NIBAN1: variants seen among roughly 807,000 people sequenced by gnomAD.
The protein encoded by NIBAN1 is niban apoptosis regulator 1.
A neutral mutation model predicts 75.1 loss-of-function variants in NIBAN1; 81 were observed. The ratio of observed to expected loss-of-function variants is 1.08; its 90% CI spans 0.90 to 1.30. The LOEUF (loss-of-function observed/expected upper bound fraction) is 1.30, where lower values mean the gene tolerates loss of function less well. Among genes scored for constraint, NIBAN1 ranks in the 50% most tolerant of loss-of-function variants. The pLI, the probability that NIBAN1 is intolerant of heterozygous loss-of-function variation, is 0.00. For missense variants in NIBAN1, 1,133 were observed against 1,128.1 expected (o/e 1.00, Z -0.06); for synonymous variants, 436 against 424.8 (o/e 1.03, Z -0.32).
chr1:184,859,075 G>T (rs145438148), intron 5 of NIBAN1, among the ~76,000 whole-genome samples: 40 of 151,816 alleles, frequency 2.6e-4, no homozygotes, highest in African/African-American at 8.7e-4. Context: ...TTCCTCTATG[G>T]AGGAATTAAA....
intron 1 of NIBAN1, among the ~76,000 whole-genome samples, chr1:184,925,854 G>T (rs899561528): frequency 1.3e-5 from 2 of 152,192 alleles, no homozygotes; most frequent in Non-Finnish European, 2.9e-5. Context: ...TACTCAAGAC[G>T]TGAGTAGTTT....
intron 8 of NIBAN1, among the ~76,000 whole-genome samples, chr1:184,822,065 T>C (rs1321970939): frequency 6.6e-6 from 1 of 152,194 alleles, no homozygotes; most frequent in Non-Finnish European, 1.5e-5. Context: ...CGGTCACTGC[T>C]AAAGCTCCAT....
chr1:184,795,254 TC>T lies in NIBAN1; in HGVS notation c.2509del (p.Asp837MetfsTer10). 1.2e-6 allele frequency: 2 copies of T among 1,613,426 alleles called. No individual in the cohort carries two copies. The highest frequency in any genetic ancestry group is 1.7e-6 in the Non-Finnish European group (2 of 1,180,028). ...GRGGKCTEEG[D>X]ASQQEGCTLG... ...GGTGCAGCCCTCTTGCTGTGAGGCA[TC>T]CCCTTCCTCGGTACACTTGCCCCCT... On this transcript the variant is annotated frameshift_variant, in exon 14 of 14. Coordinates refer to ENST00000367511, the MANE Select transcript of NIBAN1 (RefSeq NM_052966.4). LOFTEE classifies it low-confidence loss of function (END_TRUNC).
intron 5 of NIBAN1, among the ~76,000 whole-genome samples, chr1:184,833,867 T>C (rs1655064115): frequency 6.6e-6 from 1 of 152,070 alleles, no homozygotes; most frequent in African/African-American, 2.4e-5. Context: ...TTTTTTTTTT[T>C]TTCGATTATA....
Position 184,799,784 on chromosome 1 carries a change from C to T in NIBAN1, c.1555-1594G>A, listed in dbSNP as rs1273276566. Among the ~76,000 whole-genome samples the T allele has an allele frequency of 5.7e-5, 4 of 70,032 alleles. 1 individual carries two copies. Among genetic ancestry groups the T allele is most frequent in the Non-Finnish European group, 9.4e-5 (4 of 42,778 alleles). The allele number at this position is 70,032 out of a possible 152,430, so 45.9% of individuals were successfully genotyped here. On this transcript the variant is annotated intron_variant, in intron 12 of 13. Transcript: ENST00000367511. ...TTTTTGAGACGGAGTCTCGCTCTGT[C>T]GCCCAGGCTGGAGTGCAGTGGCGCG... is the stretch of plus-strand genomic sequence containing the variant.
chr1:184,937,709 G>C (rs557959099), intron 1 of NIBAN1, among the ~76,000 whole-genome samples: 1 of 152,330 alleles, frequency 6.6e-6, no homozygotes, highest in Admixed American at 6.5e-5. Flanking sequence ...ATGTTGAGGA[G>C]TGAGCTCAGG....
intron 4 of NIBAN1, among the ~76,000 whole-genome samples, chr1:184,885,588 G>T (rs557684305): frequency 2.6e-5 from 4 of 152,032 alleles, no homozygotes; most frequent in Non-Finnish European, 5.9e-5. Flanking sequence ...CACTCTACTG[G>T]CCCTGCAGGC....
chr1:184,879,623 C>A (rs949689587), intron 5 of NIBAN1, among the ~76,000 whole-genome samples: 1 of 152,150 alleles, frequency 6.6e-6, no homozygotes, highest in Admixed American at 6.5e-5. Context: ...AAAGGATTTG[C>A]TCTGTCTGAT....
intron 5 of NIBAN1, among the ~76,000 whole-genome samples, chr1:184,883,492 T>G (rs768296492): frequency 1.3e-5 from 2 of 152,224 alleles, no homozygotes; most frequent in Admixed American, 1.3e-4. Context: ...AGAGCGCAGT[T>G]ATCTGTAACT....
intron 4 of NIBAN1, among the ~76,000 whole-genome samples, chr1:184,889,803 AC>A (rs1403037048): frequency 6.6e-6 from 1 of 152,226 alleles, no homozygotes; most frequent in African/African-American, 2.4e-5. Flanking sequence ...CACATCTTCC[AC>A]TTGTCTATGG....
At position 184,906,001 on chromosome 1, in the gene NIBAN1, G is replaced by A. The variant is rs1235270228; in HGVS notation, c.56-6692C>T. Among the ~76,000 whole-genome samples the A allele has an allele frequency of 5.3e-5, 8 of 152,018 alleles. No homozygotes were observed. The East Asian group carries it at 1.5e-3, about 29-fold the overall frequency. ...GCCTGTAATCCCAGCACTTGGGGAG[G>A]CCGAGATGGGAGGATCACCTGAGTG... On this transcript the variant is annotated intron_variant, in intron 1 of 13. Coordinates refer to ENST00000367511, the MANE Select transcript of NIBAN1 (RefSeq NM_052966.4).
chr1:184,947,017 G>A (rs1006216724), intron 1 of NIBAN1, among the ~76,000 whole-genome samples: 1 of 150,708 alleles, frequency 6.6e-6, no homozygotes, highest in African/African-American at 2.5e-5. Flanking sequence ...AGGTTGTGGT[G>A]AGCCAAGACC....
At chr1:184,972,531 C>T (rs1055950234) in intron 1 of NIBAN1, among the ~76,000 whole-genome samples, 1 of 152,180 alleles carries the variant, frequency 6.6e-6, no homozygotes, top group Non-Finnish European at 1.5e-5. Flanking sequence ...CTAACTTTAA[C>T]TCTTCTCTTC....
At chr1:184,900,458 G>A (rs1656923661) in intron 1 of NIBAN1, among the ~76,000 whole-genome samples, 1 of 152,174 alleles carries the variant, frequency 6.6e-6, no homozygotes, top group Non-Finnish European at 1.5e-5. Context: ...TGAAATATAA[G>A]TACAGTACGA....
chr1:184,956,265 G>T (rs747589128), intron 1 of NIBAN1, among the ~76,000 whole-genome samples: 1 of 152,060 alleles, frequency 6.6e-6, no homozygotes, highest in South Asian at 2.1e-4. Context: ...GGTCTCAAGC[G>T]ATCCTCTTGC....
At chr1:184,826,416 A>G (rs1654842678) in intron 6 of NIBAN1, among the ~76,000 whole-genome samples, 1 of 152,220 alleles carries the variant, frequency 6.6e-6, no homozygotes, top group Non-Finnish European at 1.5e-5. Flanking sequence ...AAGAACCGCA[A>G]TTACTTTTGC....
Position 184,836,877 on chromosome 1 carries a change from T to C in NIBAN1, c.602-4915A>G, listed in dbSNP as rs189696569. ...CAGCTAATAAACTGTTAAATTAATA[T>C]ATGTAAAACTTTTAGAACAAATCTG... On this transcript the variant is annotated intron_variant, in intron 5 of 13. Coordinates refer to ENST00000367511, the MANE Select transcript of NIBAN1 (RefSeq NM_052966.4). Among the ~76,000 whole-genome samples, 975 of 152,344 alleles carry C rather than the reference T, an allele frequency of 6.4e-3. 6 individuals carry two copies. Among genetic ancestry groups the C allele is most frequent in the Non-Finnish European group, 9.2e-3 (626 of 68,034 alleles).
At chr1:184,800,900 C>T (rs538938413) in intron 12 of NIBAN1, among the ~76,000 whole-genome samples, 2 of 152,292 alleles carry the variant, frequency 1.3e-5, no homozygotes, top group African/African-American at 4.8e-5. Flanking sequence ...CAGAAACATT[C>T]TCTTTCTCTT....
intron 5 of NIBAN1, among the ~76,000 whole-genome samples, chr1:184,879,868 C>T (rs1023635288): frequency 2.6e-5 from 4 of 152,214 alleles, no homozygotes; most frequent in African/African-American, 7.2e-5. Context: ...TTACCATTGT[C>T]ATAAGTGATT....
Sources: gnomAD v4.1 joint callset for allele counts (sites outside exome capture counted in the v4.1 genomes callset) on GRCh38, gnomAD v4.1.1 for gene constraint, MANE v1.5 for transcripts, NCBI Gene and HGNC (gene_info 2026-07-23, HGNC 2026-07-21) for gene names.